The following CAMTA1 variants were observed in gnomAD, a reference collection of about 807,000 sequenced individuals.
CAMTA1 encodes calmodulin-binding transcription activator 1.
In CAMTA1, 27 loss-of-function variants were observed where a neutral mutation model predicts 170.9. That is an observed-to-expected ratio of 0.16 (90% CI 0.12 to 0.22). CAMTA1 has a LOEUF of 0.22. CAMTA1 is among the 10% of genes least tolerant of loss of function. CAMTA1 has a pLI of 1.00. For missense variants in CAMTA1, 1,619 were observed against 2,217.2 expected (o/e 0.73, Z 5.42); for synonymous variants, 833 against 891.5 (o/e 0.93, Z 1.17).
At chr1:7,383,477 G>A (rs2087582143) in intron 5 of CAMTA1, among the ~76,000 whole-genome samples, 2 of 152,204 alleles carry the variant, frequency 1.3e-5, no homozygotes, top group South Asian at 4.1e-4. Context: ...GACAAGTTAG[G>A]TTAACTTCTG....
chr1:7,158,229 G>A (rs1171387680), intron 4 of CAMTA1, among the ~76,000 whole-genome samples: 1 of 152,148 alleles, frequency 6.6e-6, no homozygotes. Flanking sequence ...ATGTCATGCA[G>A]AGTAAAAGAA....
At chr1:7,578,873 C>G (rs1303959312) in intron 6 of CAMTA1, among the ~76,000 whole-genome samples, 1 of 152,162 alleles carries the variant, frequency 6.6e-6, no homozygotes, top group Non-Finnish European at 1.5e-5. Flanking sequence ...TTAAGTCCCC[C>G]AAAACTGTTG....
At chr1:7,355,437 C>T (rs192218869) in intron 5 of CAMTA1, among the ~76,000 whole-genome samples, 1 of 152,208 alleles carries the variant, frequency 6.6e-6, no homozygotes, top group East Asian at 1.9e-4. Flanking sequence ...TTCTGTCTAC[C>T]CATCCATTTT....
intron 5 of CAMTA1, among the ~76,000 whole-genome samples, chr1:7,309,574 C>T (rs1676147770): frequency 1.3e-5 from 2 of 152,066 alleles, no homozygotes; most frequent in African/African-American, 4.8e-5. Flanking sequence ...GCTGGGATTA[C>T]AGGCGTGAGC....
rs145529006 is a variant in CAMTA1 at position 7,286,074 on chromosome 1, A to G, written c.438+36448A>G. On this transcript the variant is annotated intron_variant, in intron 5 of 22. Transcript: ENST00000303635. The surrounding 1 kb of genome is among the most constrained non-coding windows in gnomAD (Gnocchi z 4.2). ...TGCTGTGTGCCAAGCACCATGCCAG[A>G]TTCTGAAGACTCAGGGACCAGCGCC... Among the ~76,000 whole-genome samples the G allele has an allele frequency of 4.4e-3, 676 of 152,300 alleles. 8 individuals are homozygous for G. Among genetic ancestry groups the G allele is most frequent in the Admixed American group, 0.024 (369 of 15,292 alleles).
intron 3 of CAMTA1, among the ~76,000 whole-genome samples, chr1:6,995,023 G>A (rs1696974640): frequency 6.6e-6 from 1 of 151,950 alleles, no homozygotes; most frequent in African/African-American, 2.4e-5. Context: ...GAAAATTTTG[G>A]CCATTATTTC....
chr1:6,982,467 G>A lies in CAMTA1; in HGVS notation c.235-108837G>A, dbSNP rs529843777. Among the ~76,000 whole-genome samples the A allele has an allele frequency of 2.0e-4, 31 of 152,338 alleles. 1 individual carries two copies. The highest frequency in any genetic ancestry group is 6.8e-3 in the Middle Eastern group (2 of 294). On this transcript the variant is annotated intron_variant, in intron 3 of 22. Coordinates refer to ENST00000303635, the MANE Select transcript of CAMTA1 (RefSeq NM_015215.4). Reference sequence around the variant, plus strand: ...TCTCATTGCCTGTGACATGGAGAGCGGGAGGAGGGGCCAGAGTGGGGGCCT... The same window carrying A: ...TCTCATTGCCTGTGACATGGAGAGCAGGAGGAGGGGCCAGAGTGGGGGCCT...
At chr1:6,848,093 C>T (rs569212827) in intron 3 of CAMTA1, among the ~76,000 whole-genome samples, 1 of 152,080 alleles carries the variant, frequency 6.6e-6, no homozygotes, top group Non-Finnish European at 1.5e-5. Flanking sequence ...GTGATCCACC[C>T]ACCTCACCAG....
At chr1:6,865,328 C>T (rs1294329064) in intron 3 of CAMTA1, among the ~76,000 whole-genome samples, 4 of 152,140 alleles carry the variant, frequency 2.6e-5, no homozygotes, top group African/African-American at 9.7e-5. Context: ...TTCTCTCATT[C>T]ACCAGACAGT....
chr1:7,097,771 G>A (rs1642247412), intron 4 of CAMTA1, among the ~76,000 whole-genome samples: 2 of 152,246 alleles, frequency 1.3e-5, no homozygotes, highest in East Asian at 1.9e-4. Flanking sequence ...CACACATTGT[G>A]TGATGTGCTG....
Position 7,129,425 on chromosome 1 carries a change from AC to A in CAMTA1, c.302+38055del, listed in dbSNP as rs1158385678. ...TGGGTCTGCTCTGTCTCCAGGACTC[AC>A]TGCTTTAGAATAGTACCATGTTCTG... On this transcript the variant is annotated intron_variant, in intron 4 of 22. Transcript: ENST00000303635. Among the ~76,000 whole-genome samples, 20 of 152,092 alleles carry A rather than the reference AC, an allele frequency of 1.3e-4. No individual in the cohort carries two copies. In the South Asian group the frequency reaches 3.7e-3, roughly 28 times the overall value.
chr1:7,105,730 C>T (rs1488679906), intron 4 of CAMTA1, among the ~76,000 whole-genome samples: 5 of 152,070 alleles, frequency 3.3e-5, no homozygotes. Flanking sequence ...ATCACTTGAG[C>T]CCAGGAGTTT....
intron 6 of CAMTA1, among the ~76,000 whole-genome samples, chr1:7,594,134 AGAAAGAAGGAAGGAAG>A (rs1247551904): frequency 1.3e-5 from 2 of 150,190 alleles, no homozygotes; most frequent in African/African-American, 5.0e-5. Flanking sequence ...AAAGAAAGAA[AGAAAGAAGGAAGGAAG>A]GAAAGAAGGA....
At chr1:6,905,366 G>A (rs1678200262) in intron 3 of CAMTA1, among the ~76,000 whole-genome samples, 1 of 151,318 alleles carries the variant, frequency 6.6e-6, no homozygotes, top group African/African-American at 2.4e-5. Context: ...GCTAATTTTT[G>A]TGTTTTTAGT....
chr1:7,564,414 C>G (rs933279695), intron 6 of CAMTA1, among the ~76,000 whole-genome samples: 1 of 152,232 alleles, frequency 6.6e-6, no homozygotes, highest in African/African-American at 2.4e-5. Flanking sequence ...GAGAGGGCGG[C>G]GCCTTCACAG....
chr1:7,069,750 G>A (rs1638359106), intron 3 of CAMTA1, among the ~76,000 whole-genome samples: 1 of 152,166 alleles, frequency 6.6e-6, no homozygotes, highest in African/African-American at 2.4e-5. Context: ...CTTGTGTGTG[G>A]CTGCTAACTG....
chr1:7,276,292 TATATATA>T (rs1370804942), intron 5 of CAMTA1, among the ~76,000 whole-genome samples: 30 of 47,800 alleles, frequency 6.3e-4, no homozygotes, highest in South Asian at 7.9e-4. Context: ...TATATATATA[TATATATA>T]TATATTTTTT....
chr1:7,129,321 CA>C (rs995804155), intron 4 of CAMTA1, among the ~76,000 whole-genome samples: 79 of 152,252 alleles, frequency 5.2e-4, no homozygotes, highest in African/African-American at 1.7e-3. Flanking sequence ...TGTTACAGAC[CA>C]AGACAGGACT....
At chr1:7,102,182 G>A (rs1642825495) in intron 4 of CAMTA1, among the ~76,000 whole-genome samples, 1 of 152,118 alleles carries the variant, frequency 6.6e-6, no homozygotes, top group Non-Finnish European at 1.5e-5. Flanking sequence ...TCTCCTCGAA[G>A]AAAAAATTAA....
Sources: allele counts gnomAD v4.1 joint callset (sites outside exome capture counted in the v4.1 genomes callset), GRCh38; gene constraint gnomAD v4.1.1; non-coding constraint Gnocchi (gnomAD v3.1); transcripts MANE v1.5; gene names NCBI Gene and HGNC (gene_info 2026-07-23, HGNC 2026-07-21).